Variants in UTP20 observed in about 807,000 individuals in gnomAD.
The protein encoded by UTP20 is small subunit processome component 20 homolog.
Under a neutral mutation model 329.5 loss-of-function variants are expected in UTP20, and 164 were observed. The ratio of observed to expected loss-of-function variants is 0.50; its 90% CI spans 0.44 to 0.57. UTP20 has a LOEUF of 0.57. Ranked by LOEUF, UTP20 falls within the 20% of genes least tolerant of loss-of-function variation. UTP20 has a pLI of 0.00. For missense variants in UTP20, 3,055 were observed against 3,284.2 expected, an observed-to-expected ratio of 0.93 and a Z score of 1.71; for synonymous variants, 1,151 against 1,159.3, an observed-to-expected ratio of 0.99 and a Z score of 0.14.
chr12:101,367,438 T>C (rs1369424716), intron 47 of UTP20, among the ~76,000 whole-genome samples: 1 of 152,130 alleles, frequency 6.6e-6, no homozygotes, highest in Non-Finnish European at 1.5e-5. Context: ...GTCACCATAC[T>C]CTTTCCTGCC....
At chr12:101,292,874 T>G (rs1036751981) in intron 10 of UTP20, among the ~76,000 whole-genome samples, 2 of 152,228 alleles carry the variant, frequency 1.3e-5, no homozygotes, top group Non-Finnish European at 1.5e-5. Context: ...GTTGGTTAAG[T>G]TCTTTCTAGC....
intron 15 of UTP20, among the ~76,000 whole-genome samples, chr12:101,303,898 A>C (rs1333897581): frequency 6.6e-6 from 1 of 152,186 alleles, no homozygotes; most frequent in East Asian, 1.9e-4. Flanking sequence ...TGTAGAGAGG[A>C]TTAGTTCTTT....
intron 55 of UTP20, 26 bp downstream of exon 55, chr12:101,374,965 C>T (rs767976690): frequency 6.4e-7 from 1 of 1,568,956 alleles, no homozygotes; most frequent in Non-Finnish European, 8.8e-7. Flanking sequence ...GGGAATAAAA[C>T]TTTTCTAACT....
chr12:101,293,743 A>G (rs1360787558), intron 11 of UTP20, among the ~76,000 whole-genome samples: 2 of 152,078 alleles, frequency 1.3e-5, no homozygotes, highest in Non-Finnish European at 2.9e-5. Context: ...TTTAGCCTTT[A>G]ATACTATATA....
chr12:101,337,322 A>G (rs1466747014), intron 29 of UTP20, among the ~76,000 whole-genome samples: 3 of 152,112 alleles, frequency 2.0e-5, no homozygotes, highest in East Asian at 3.9e-4. Context: ...TTTTTTTTCC[A>G]GTGATGATAA....
chr12:101,381,771 C>T (rs1260683979), intron 58 of UTP20, among the ~76,000 whole-genome samples: 1 of 152,102 alleles, frequency 6.6e-6, no homozygotes, highest in Non-Finnish European at 1.5e-5. Context: ...ATAATCCCAG[C>T]ACTTTGGGAG....
chr12:101,351,700 C>T (rs1869534255), intron 38 of UTP20, among the ~76,000 whole-genome samples: 1 of 151,840 alleles, frequency 6.6e-6, no homozygotes, highest in African/African-American at 2.4e-5. Flanking sequence ...TCCCCTCGAC[C>T]CCCACCACCG....
At chr12:101,317,214 T>A (rs1872998432) in intron 21 of UTP20, among the ~76,000 whole-genome samples, 1 of 152,158 alleles carries the variant, frequency 6.6e-6, no homozygotes. Flanking sequence ...TTCCACTTAG[T>A]CCAAAATAGA....
At chr12:101,328,116 T>G (rs1868630903) in intron 26 of UTP20, among the ~76,000 whole-genome samples, 1 of 152,182 alleles carries the variant, frequency 6.6e-6, no homozygotes, top group Non-Finnish European at 1.5e-5. Flanking sequence ...GGTATTCTGT[T>G]GCATTTGTTT....
rs75505834 is a variant in UTP20, at chr12:101,338,246, T to C, written c.3837T>C (p.Cys1279=). 2 of 1,614,152 alleles carry C rather than the reference T, an allele frequency of 1.2e-6. No individual in the cohort carries two copies. The highest frequency in any genetic ancestry group is 1.3e-5 in the African/African-American group (1 of 75,058). The change falls in exon 30 of 62, where the codon TGT becomes TGC. Residue 1279 remains cysteine (C), a synonymous_variant. Transcript: ENST00000261637. ...TTTTGAACTTGCTGGTAACTGGATG[T>C]GTATACCCTGGCATAGCAGAAAACA... is the stretch of plus-strand genomic sequence containing the variant. ...ETVLNLLVTG[C]VYPGIAENIG...
chr12:101,328,294 G>C (rs368952846), intron 26 of UTP20, among the ~76,000 whole-genome samples: 1 of 152,132 alleles, frequency 6.6e-6, no homozygotes. Context: ...TGGATGGCCC[G>C]TTTGGGTGTA....
At chr12:101,318,268 G>A (rs1017202683) in intron 22 of UTP20, among the ~76,000 whole-genome samples, 1 of 152,188 alleles carries the variant, frequency 6.6e-6, no homozygotes, top group Non-Finnish European at 1.5e-5. Context: ...CTTACTTGAT[G>A]ATTGTCTGAA....
intron 38 of UTP20, among the ~76,000 whole-genome samples, chr12:101,349,604 A>G (rs1869450206): frequency 6.6e-6 from 1 of 151,778 alleles, no homozygotes; most frequent in Non-Finnish European, 1.5e-5. Flanking sequence ...ACTCTTGACT[A>G]ATTTTATTAT....
intron 47 of UTP20, 84 bp from the exon 48 acceptor site, chr12:101,367,776 T>A: frequency 1.2e-6 from 1 of 836,734 alleles, no homozygotes; most frequent in Non-Finnish European, 2.0e-6. Context: ...ATTTCTTGCT[T>A]TTCTCTGAAC....
chr12:101,289,303 G>A (rs1872061263), intron 6 of UTP20, among the ~76,000 whole-genome samples: 1 of 151,996 alleles, frequency 6.6e-6, no homozygotes, highest in Admixed American at 6.6e-5. Flanking sequence ...CTTGAGCCCA[G>A]GAGGTGGAAG....
intron 28 of UTP20, 109 bp from the exon 29 acceptor site, chr12:101,334,316 C>T: frequency 2.4e-6 from 2 of 847,980 alleles, no homozygotes; most frequent in Non-Finnish European, 3.6e-6. Context: ...CATCTCTGTC[C>T]CTTGTCTTTT....
At chr12:101,361,560 A>C (rs1178437072) in intron 43 of UTP20, among the ~76,000 whole-genome samples, 1 of 152,090 alleles carries the variant, frequency 6.6e-6, no homozygotes, top group Non-Finnish European at 1.5e-5. Context: ...CGGGAGACGG[A>C]GGTTGCAGTG....
intron 2 of UTP20, among the ~76,000 whole-genome samples, chr12:101,284,174 A>G (rs1444004080): frequency 1.3e-5 from 2 of 152,030 alleles, no homozygotes; most frequent in East Asian, 3.9e-4. Context: ...TGAGGTTTGG[A>G]GTATGGATCC....
At position 101,305,633 on chromosome 12, in the gene UTP20, G is replaced by A. The variant is rs574886910; in HGVS notation, c.1782-282G>A. 2.1e-4 allele frequency among the ~76,000 whole-genome samples: 29 copies of A among 140,560 alleles called. No individual in the cohort carries two copies. The South Asian group carries it at 5.9e-3, about 28-fold the overall frequency. The allele number at this position is 140,560 out of a possible 152,430, so 92.2% of individuals were successfully genotyped here. On this transcript the variant is annotated intron_variant, in intron 15 of 61. Transcript: ENST00000261637. ...ATATTATATATATATATATATAAGT[G>A]GCTGTCATTTACAACTATGTGGATT... is the stretch of plus-strand genomic sequence containing the variant.
Sources: allele counts gnomAD v4.1 joint callset (sites outside exome capture counted in the v4.1 genomes callset), GRCh38; gene constraint gnomAD v4.1.1; transcripts MANE v1.5; gene names NCBI Gene and HGNC (gene_info 2026-07-23, HGNC 2026-07-21).